The following SORCS2 variants were observed in gnomAD, a reference collection of about 807,000 sequenced individuals.
The protein encoded by SORCS2 is VPS10 domain-containing receptor SorCS2.
SORCS2 carries 100 observed loss-of-function variants against 141.6 expected under a neutral mutation model. That is an observed-to-expected ratio of 0.71 (90% CI 0.60 to 0.83). The LOEUF (loss-of-function observed/expected upper bound fraction) is 0.83. Among genes scored for constraint, SORCS2 ranks in the 40% least tolerant of loss-of-function variants. The pLI is 0.00. For synonymous variants in SORCS2, 789 were observed against 676.9 expected (o/e 1.17, Z -2.57); for missense variants, 1,646 against 1,560.2 (o/e 1.05, Z -0.93).
chr4:7,466,353 C>G (rs551276863), intron 2 of SORCS2, among the ~76,000 whole-genome samples: 1 of 152,090 alleles, frequency 6.6e-6, no homozygotes, highest in Admixed American at 6.5e-5. Flanking sequence ...ATGGGCTGGT[C>G]CACCATGGCA....
At chr4:7,468,599 TAA>T (rs1337281505) in intron 2 of SORCS2, among the ~76,000 whole-genome samples, 2 of 152,188 alleles carry the variant, frequency 1.3e-5, no homozygotes, top group African/African-American at 4.8e-5. Flanking sequence ...AGTGAATGAA[TAA>T]GCGTTCTTGT....
chr4:7,202,476 T>G (rs1483229134), intron 1 of SORCS2, among the ~76,000 whole-genome samples: 1 of 152,248 alleles, frequency 6.6e-6, no homozygotes, highest in Non-Finnish European at 1.5e-5. Context: ...AATCATTTAA[T>G]TAGTTTCTTC....
At chr4:7,686,015 G>A (rs1050170606) in intron 10 of SORCS2, among the ~76,000 whole-genome samples, 4 of 152,268 alleles carry the variant, frequency 2.6e-5, no homozygotes, top group African/African-American at 7.2e-5. Context: ...CAATCTTTTC[G>A]CTCATACACA....
chr4:7,555,715 A>C (rs548315456), intron 3 of SORCS2, among the ~76,000 whole-genome samples: 1 of 152,382 alleles, frequency 6.6e-6, no homozygotes, highest in Non-Finnish European at 1.5e-5. Context: ...GCACGGGTTT[A>C]AAAGTTGCTC....
intron 2 of SORCS2, among the ~76,000 whole-genome samples, chr4:7,420,444 CAG>C (rs1725965082): frequency 6.6e-6 from 1 of 152,182 alleles, no homozygotes. Flanking sequence ...AGCTGAGACT[CAG>C]AGAGTGTCCA....
intron 2 of SORCS2, among the ~76,000 whole-genome samples, chr4:7,490,693 G>A (rs1731264301): frequency 1.3e-5 from 2 of 152,198 alleles, no homozygotes; most frequent in Non-Finnish European, 2.9e-5. Context: ...GGGGTATCCA[G>A]TGAAATGGGG....
At chr4:7,526,717 G>A (rs1479491154) in intron 2 of SORCS2, among the ~76,000 whole-genome samples, 2 of 152,156 alleles carry the variant, frequency 1.3e-5, no homozygotes, top group Non-Finnish European at 2.9e-5. Flanking sequence ...TTGTAAGAGC[G>A]AGTCTCTCAG....
At position 7,737,108 on chromosome 4, in the gene SORCS2, C is replaced by A; in HGVS notation, c.3351C>A (p.Asn1117Lys). ...PGRTVYAQMH[N>K]EKEQEMTSPV... ...GGACCGTGTACGCCCAAATGCACAA[C>A]GAGAAGGAGCAGGAGATGACCAGCC... is the stretch of plus-strand genomic sequence containing the variant. The change falls in exon 26 of 27, where the codon AAC (asparagine) becomes AAA (lysine). Residue 1117 changes from asparagine (N) to lysine (K), a missense_variant. By Grantham distance (94) the Asn-to-Lys change is moderately conservative. Transcript: ENST00000507866. The A allele has an allele frequency of 6.4e-7, 1 of 1,551,408 alleles. No homozygotes were observed. Among genetic ancestry groups the A allele is most frequent in the Non-Finnish European group, 8.7e-7 (1 of 1,146,930 alleles).
Position 7,717,067 on chromosome 4 carries a change from A to T in SORCS2, c.2253-945A>T, listed in dbSNP as rs541471864. Among the ~76,000 whole-genome samples the T allele has an allele frequency of 2.0e-5, 3 of 152,322 alleles. No individual in the cohort carries two copies. In the East Asian group the frequency reaches 5.8e-4, roughly 29 times the overall value. ...CTTGGCAGCAATGCCACTTTCACAG[A>T]CGCATAGTGTAGCCTGAGGGAGCTT... On this transcript the variant is annotated intron_variant, in intron 17 of 26. Transcript: ENST00000507866.
intron 1 of SORCS2, among the ~76,000 whole-genome samples, chr4:7,325,192 T>TG (rs1483721901): frequency 1.3e-5 from 2 of 150,754 alleles, no homozygotes; most frequent in Middle Eastern, 3.6e-3. Flanking sequence ...GGGGAGTAGG[T>TG]GGGGGGCTTT....
At chr4:7,204,053 T>C (rs1334235924) in intron 1 of SORCS2, among the ~76,000 whole-genome samples, 1 of 152,212 alleles carries the variant, frequency 6.6e-6, no homozygotes, top group East Asian at 1.9e-4. Flanking sequence ...TTTCCTTTCT[T>C]CATGCATCTG....
intron 13 of SORCS2, 54 bp downstream of exon 13, chr4:7,703,425 TC>T: frequency 6.8e-7 from 1 of 1,469,362 alleles, no homozygotes; most frequent in South Asian, 1.2e-5. Flanking sequence ...GCTCTTTCTT[TC>T]CACCTGGGAA....
chr4:7,725,360 T>C (rs575104364), intron 20 of SORCS2, 73 bp downstream of exon 20: 1 of 1,526,452 alleles, frequency 6.6e-7, no homozygotes, highest in African/African-American at 1.4e-5. Context: ...GGGCAGAGCA[T>C]GGCCCCAGGT....
chr4:7,289,533 G>A (rs1190310616), intron 1 of SORCS2, among the ~76,000 whole-genome samples: 5 of 152,202 alleles, frequency 3.3e-5, no homozygotes, highest in East Asian at 1.9e-4. Flanking sequence ...CTGGGGGCAC[G>A]TGGTAAATGT....
At position 7,638,498 on chromosome 4, in the gene SORCS2, A is replaced by T. The variant is rs1329420375; in HGVS notation, c.813+6A>T. The T allele has an allele frequency of 6.2e-7, 1 of 1,608,028 alleles. No individual in the cohort carries two copies. The highest frequency in any genetic ancestry group is 2.3e-5 in the East Asian group (1 of 44,268). On this transcript the variant is annotated splice_donor_region_variant and intron_variant, in intron 4 of 26. Coordinates refer to ENST00000507866, the MANE Select transcript of SORCS2 (RefSeq NM_020777.3). ...CCTACACAAAGGAGAGCAAGGTAAG[A>T]TATATGGGTGCCAGTCGCCTGGTCT...
chr4:7,381,865 G>T, intron 1 of SORCS2: 3 of 980,590 alleles, frequency 3.1e-6, no homozygotes, highest in South Asian at 9.4e-5. Context: ...AGGATGGGCA[G>T]TACAGTGGGG....
intron 2 of SORCS2, among the ~76,000 whole-genome samples, chr4:7,497,983 G>A (rs4234823): frequency 0.82 from 124,954 of 152,300 alleles, 52,950 homozygotes; most frequent in South Asian, 0.96. Flanking sequence ...GAGAAGGAAG[G>A]TGCTGGTGCC....
At chr4:7,200,748 A>C (rs1351213996) in intron 1 of SORCS2, among the ~76,000 whole-genome samples, 16 of 152,172 alleles carry the variant, frequency 1.1e-4, no homozygotes. Context: ...AACCTCTCTG[A>C]GCCTTTTTCC....
At chr4:7,292,859 A>T (rs1407403985) in intron 1 of SORCS2, among the ~76,000 whole-genome samples, 1 of 152,240 alleles carries the variant, frequency 6.6e-6, no homozygotes, top group Non-Finnish European at 1.5e-5. Flanking sequence ...TCCAGAAGGC[A>T]TTTACTAATT....
Sources: allele counts gnomAD v4.1 joint callset (sites outside exome capture counted in the v4.1 genomes callset), GRCh38; gene constraint gnomAD v4.1.1; transcripts MANE v1.5; gene names NCBI Gene and HGNC (gene_info 2026-07-23, HGNC 2026-07-21).